The following STAM variants were observed in gnomAD, a reference collection of about 807,000 sequenced individuals.
STAM encodes signal transducing adapter molecule 1.
A neutral mutation model predicts 63.4 loss-of-function variants in STAM; 16 were observed. The observed-to-expected ratio is 0.25, with a 90% CI of 0.17 to 0.38. STAM has a LOEUF of 0.38. STAM is among the 10% of genes least tolerant of loss of function. The pLI is 1.00. For synonymous variants in STAM, 238 were observed against 223.9 expected, an observed-to-expected ratio of 1.06 and a Z score of -0.56; for missense variants, 636 against 657.1, an observed-to-expected ratio of 0.97 and a Z score of 0.35.
intron 12 of STAM, among the ~76,000 whole-genome samples, chr10:17,708,401 A>G (rs187495955): frequency 1.5e-3 from 228 of 152,350 alleles, no homozygotes; most frequent in African/African-American, 5.2e-3. Flanking sequence ...ATTGCAGTCT[A>G]TGGCTACAAA....
chr10:17,683,772 A>G (rs1424622676), intron 2 of STAM, among the ~76,000 whole-genome samples: 1 of 152,172 alleles, frequency 6.6e-6, no homozygotes, highest in Middle Eastern at 3.2e-3. Context: ...CTGCATTCTC[A>G]GTTGACTGAA....
At chr10:17,686,378 C>CTT (rs782424712) in intron 4 of STAM, among the ~76,000 whole-genome samples, 51 of 138,056 alleles carry the variant, frequency 3.7e-4, no homozygotes, top group Middle Eastern at 3.8e-3. Context: ...AACATCCCGC[C>CTT]TTTTTTTTTT....
At chr10:17,656,973 C>T (rs576303431) in intron 1 of STAM, among the ~76,000 whole-genome samples, 3 of 152,326 alleles carry the variant, frequency 2.0e-5, no homozygotes, top group African/African-American at 7.2e-5. Flanking sequence ...GGGCGGCCCA[C>T]ATGCGCAGTG....
Position 17,693,233 on chromosome 10 carries a change from A to G in STAM, c.456A>G (p.Gln152=), listed in dbSNP as rs1835617785. The G allele has an allele frequency of 1.2e-6, 2 of 1,613,680 alleles. No individual in the cohort carries two copies. Among genetic ancestry groups the G allele is most frequent in the South Asian group, 1.1e-5 (1 of 90,988 alleles). Residue 152 remains glutamine (Q), a synonymous_variant, in exon 6 of 14, where the codon CAA becomes CAG. Transcript: ENST00000377524. ...CTCTTTTTTGTTAGGCTGCAGAACAAGCAAAAGCAAGCCCAGCTCTTGTAG... is the reference window on the plus strand; with the variant it reads ...CTCTTTTTTGTTAGGCTGCAGAACAGGCAAAAGCAAGCCCAGCTCTTGTAG... ...FPAIGSQAAE[Q]AKASPALVAK... is the part of the protein sequence containing the mutation.
Position 17,709,872 on chromosome 10 carries a change from G to C in STAM, c.1385+921G>C, listed in dbSNP as rs782471599. On this transcript the variant is annotated intron_variant, in intron 13 of 13. Coordinates refer to ENST00000377524, the MANE Select transcript of STAM (RefSeq NM_003473.4). The stretch of plus-strand genomic sequence containing the variant: ...AGTATCCCGAAGTGACCTTAAGGGG[G>C]ATGATGGCAAGGCCCACATGTCAGA... Among the ~76,000 whole-genome samples the C allele has an allele frequency of 2.0e-5, 3 of 149,468 alleles. No homozygotes were observed. The Admixed American group carries it at 2.0e-4, about 10-fold the overall frequency.
In STAM at chr10:17,705,592, C is replaced by T; in HGVS notation, c.1060C>T (p.His354Tyr). The change falls in exon 12 of 14, where the codon CAT becomes TAT. Residue 354 changes from histidine (H) to tyrosine (Y), a missense_variant. By Grantham distance (83) the His-to-Tyr change is moderately conservative. This residue lies in a region of STAM where 532 missense variants were observed against 536.9 expected (regional missense o/e 0.99). Coordinates refer to ENST00000377524, the MANE Select transcript of STAM (RefSeq NM_003473.4). The stretch of plus-strand genomic sequence containing the variant: ...AATTATTGTGTCATGTTTCAGAAAA[C>T]ATTCAGAACTCTCAGAACTTAATGT... ...DEKLEDIDRK[H>Y]SELSELNVKV... 6.2e-7 allele frequency: 1 copy of T among 1,609,782 alleles called. No homozygotes were observed. The highest frequency in any genetic ancestry group is 8.5e-7 in the Non-Finnish European group (1 of 1,178,726).
At chr10:17,667,428 A>AT (rs1257855079) in intron 2 of STAM, among the ~76,000 whole-genome samples, 32 of 151,006 alleles carry the variant, frequency 2.1e-4, no homozygotes, top group South Asian at 8.4e-4. Flanking sequence ...AGCCCATAGA[A>AT]TTTTTTTTTT....
intron 12 of STAM, among the ~76,000 whole-genome samples, chr10:17,707,609 A>G (rs1836352411): frequency 6.6e-6 from 1 of 152,012 alleles, no homozygotes; most frequent in South Asian, 2.1e-4. Flanking sequence ...CCAGTTTGAG[A>G]CAAGGAAGCA....
chr10:17,664,732 G>C (rs782462031), intron 2 of STAM, among the ~76,000 whole-genome samples: 2 of 152,114 alleles, frequency 1.3e-5, no homozygotes, highest in Admixed American at 6.6e-5. Flanking sequence ...GAATGTTGTA[G>C]ATTGGAATGC....
chr10:17,692,047 A>G (rs1183306050), intron 5 of STAM, among the ~76,000 whole-genome samples: 7 of 152,164 alleles, frequency 4.6e-5, no homozygotes, highest in Non-Finnish European at 7.3e-5. Flanking sequence ...TTGGAATCAC[A>G]TGTGTTAATT....
rs1836797046 is a variant in STAM, at chr10:17,715,946, T to C, written c.*1166T>C. On this transcript the variant is annotated 3_prime_UTR_variant, in exon 14 of 14. Coordinates refer to ENST00000377524, the MANE Select transcript of STAM (RefSeq NM_003473.4). ...TGGCTTTGCTTAACGTTTATATAGG[T>C]ATTGTTTTCTTTCACACTGGATTTT... 6.6e-6 allele frequency: 1 copy of C among 152,610 alleles called. No homozygotes were observed. Among genetic ancestry groups the C allele is most frequent in the African/African-American group, 2.4e-5 (1 of 41,446 alleles). 9.5% of individuals were successfully genotyped at this position (152,610 alleles called of 1,614,324 possible).
chr10:17,655,010 A>G (rs1833883454), intron 1 of STAM, among the ~76,000 whole-genome samples: 1 of 152,222 alleles, frequency 6.6e-6, no homozygotes, highest in Non-Finnish European at 1.5e-5. Flanking sequence ...TCACTTAATT[A>G]GAAACAGATT....
At chr10:17,713,478 C>T (rs1554830297) in intron 13 of STAM, among the ~76,000 whole-genome samples, 1 of 152,110 alleles carries the variant, frequency 6.6e-6, no homozygotes, top group Non-Finnish European at 1.5e-5. Flanking sequence ...TTGACAGATC[C>T]AAGATTATTA....
chr10:17,666,137 C>T (rs1204489333), intron 2 of STAM, among the ~76,000 whole-genome samples: 3 of 152,114 alleles, frequency 2.0e-5, no homozygotes, highest in Non-Finnish European at 4.4e-5. Context: ...TAATTGACCT[C>T]TAGATTAAGT....
At chr10:17,669,821 C>G (rs1186136099) in intron 2 of STAM, among the ~76,000 whole-genome samples, 1 of 151,578 alleles carries the variant, frequency 6.6e-6, no homozygotes, top group Non-Finnish European at 1.5e-5. Flanking sequence ...CCTCAGCCTC[C>G]CCAGTAGCTG....
Position 17,696,828 on chromosome 10 carries a change from C to G in STAM, c.782C>G (p.Ser261Cys). 8 of 1,614,112 alleles carry G rather than the reference C, an allele frequency of 5.0e-6. No individual in the cohort carries two copies. Among genetic ancestry groups the G allele is most frequent in the Non-Finnish European group, 6.8e-6 (8 of 1,179,984 alleles). The change falls in exon 8 of 14, where the codon TCT becomes TGT. Residue 261 changes from serine (S) to cysteine (C), a missense_variant. Ser to Cys is a moderately radical substitution (Grantham distance 112, BLOSUM62 -1). Transcript: ENST00000377524. ...CATCAAGGCATAGGGTTATTTCCTT[C>G]TAATTTTGTGACTGCAGATCTCACT... The part of the protein sequence containing the change: ...ETHQGIGLFP[S>C]NFVTADLTAE...
intron 9 of STAM, among the ~76,000 whole-genome samples, 181 bp from the exon 10 acceptor site, chr10:17,704,250 C>G (rs1836151170): frequency 6.6e-6 from 1 of 152,116 alleles, no homozygotes; most frequent in Non-Finnish European, 1.5e-5. Context: ...GAAGTACTTT[C>G]AAGGCTCTGA....
At chr10:17,658,349 A>G (rs1834025994) in intron 1 of STAM, among the ~76,000 whole-genome samples, 1 of 152,194 alleles carries the variant, frequency 6.6e-6, no homozygotes, top group Non-Finnish European at 1.5e-5. Context: ...TTTATGACCC[A>G]GAAGGTGGTC....
At chr10:17,710,357 G>T (rs1836502391) in intron 13 of STAM, among the ~76,000 whole-genome samples, 1 of 152,184 alleles carries the variant, frequency 6.6e-6, no homozygotes, top group Admixed American at 6.5e-5. Context: ...GTGTGACTCT[G>T]CTTCTGCATT....
Sources: allele counts gnomAD v4.1 joint callset (sites outside exome capture counted in the v4.1 genomes callset), GRCh38; gene constraint gnomAD v4.1.1; regional missense constraint gnomAD v4.1.1; transcripts MANE v1.5; gene names NCBI Gene and HGNC (gene_info 2026-07-23, HGNC 2026-07-21).